The following TBCD variants were observed in gnomAD, a reference collection of about 807,000 sequenced individuals.
TBCD encodes the protein tubulin folding cofactor D.
Under a neutral mutation model 169.3 loss-of-function variants are expected in TBCD, and 105 were observed. The ratio of observed to expected loss-of-function variants is 0.62; its 90% CI spans 0.53 to 0.73. TBCD has a LOEUF of 0.73. Among genes scored for constraint, TBCD ranks in the 30% least tolerant of loss-of-function variants. TBCD has a pLI of 0.00. For missense variants in TBCD, 1,444 were observed against 1,600.1 expected (o/e 0.90, Z 1.66); for synonymous variants, 700 against 643.9 (o/e 1.09, Z -1.32).
At chr17:82,940,028 G>A (rs925162624) in intron 37 of TBCD, among the ~76,000 whole-genome samples, 4 of 152,238 alleles carry the variant, frequency 2.6e-5, no homozygotes, top group Non-Finnish European at 5.9e-5. Context: ...CATGGGTGGA[G>A]TAGAATGGCG....
chr17:82,829,870 T>C (rs921445834), intron 13 of TBCD: 1 of 516,656 alleles, frequency 1.9e-6, no homozygotes, highest in African/African-American at 1.9e-5. Flanking sequence ...AAAGATCTTC[T>C]GTAAGACAGC....
At chr17:82,769,675 G>C (rs770924958) in intron 5 of TBCD, among the ~76,000 whole-genome samples, 1 of 152,052 alleles carries the variant, frequency 6.6e-6, no homozygotes. Context: ...TTAGGACTTC[G>C]AGACCAGCCT....
intron 6 of TBCD, among the ~76,000 whole-genome samples, chr17:82,773,646 G>A (rs1029507514): frequency 1.3e-5 from 2 of 152,004 alleles, no homozygotes; most frequent in Non-Finnish European, 2.9e-5. Context: ...TTTGCACCAC[G>A]GACCAGGAGA....
chr17:82,930,376 G>A lies in TBCD; in HGVS notation c.2992-146G>A, dbSNP rs141244531. 9.8e-3 allele frequency: 12,164 copies of A among 1,242,254 alleles called. 88 individuals carry two copies. The highest frequency in any genetic ancestry group is 0.011 in the Non-Finnish European group (10,254 of 920,972). The allele number at this position is 1,242,254 out of a possible 1,614,324, so 77.0% of individuals were successfully genotyped here. ...TGTGAGTGGCTCCGTGCTGGCGTCC[G>A]CACCAGCCGCTTGGGGCCAGACCTT... is the stretch of plus-strand genomic sequence containing the variant. On this transcript the variant is annotated intron_variant, in intron 32 of 38. Transcript: ENST00000355528. The surrounding 1 kb of genome is among the most constrained non-coding windows in gnomAD (Gnocchi z 5.2).
chr17:82,793,345 CT>C (rs2049880293), intron 7 of TBCD, among the ~76,000 whole-genome samples: 1 of 152,330 alleles, frequency 6.6e-6, no homozygotes, highest in African/African-American at 2.4e-5. Flanking sequence ...AAGCTCTCTT[CT>C]GTTTCTGAGC....
intron 34 of TBCD, among the ~76,000 whole-genome samples, chr17:82,933,276 T>C (rs1208152997): frequency 6.8e-6 from 1 of 146,430 alleles, no homozygotes; most frequent in Non-Finnish European, 1.5e-5. Flanking sequence ...GGCCAGTCTT[T>C]TTTTTTTTTT....
chr17:82,892,074 G>A (rs2059179346), intron 16 of TBCD, among the ~76,000 whole-genome samples: 1 of 152,112 alleles, frequency 6.6e-6, no homozygotes, highest in Non-Finnish European at 1.5e-5. Flanking sequence ...CAGGGCAGCT[G>A]AGCCCGCTTT....
rs1048182971 is a variant in TBCD at position 82,809,646 on chromosome 17, C to T, written c.1149-62C>T. 9 of 1,546,742 alleles carry T rather than the reference C, an allele frequency of 5.8e-6. No homozygotes were observed. In the African/African-American group the frequency reaches 1.2e-4, roughly 21 times the overall value. On this transcript the variant is annotated intron_variant, in intron 11 of 38. Coordinates refer to ENST00000355528, the MANE Select transcript of TBCD (RefSeq NM_005993.5). ...GGGTGTTCAGGCCATTCACACGTGT[C>T]ACGCATGCCCTTGGCGACAGGCTGG...
At chr17:82,840,870 C>G (rs530314995) in intron 13 of TBCD, among the ~76,000 whole-genome samples, 2 of 149,132 alleles carry the variant, frequency 1.3e-5, no homozygotes, top group African/African-American at 4.9e-5. Flanking sequence ...GAGCTGGTGT[C>G]AGGCCCTTGG....
chr17:82,908,025 G>C (rs2146853986), intron 21 of TBCD, among the ~76,000 whole-genome samples: 1 of 152,370 alleles, frequency 6.6e-6, no homozygotes, highest in Middle Eastern at 3.4e-3. Flanking sequence ...CACCTTGGAG[G>C]GTTGCCCTGG....
chr17:82,880,879 G>A lies in TBCD; in HGVS notation c.1476-3266G>A, dbSNP rs2058306733. On this transcript the variant is annotated intron_variant, in intron 14 of 38. Transcript: ENST00000355528. This position sits in a 1 kb window ranked among gnomAD's most constrained non-coding sequence, Gnocchi z 5.0. Reference sequence around the variant, plus strand: ...GTTTGTGGCCATCCTTGCAGTGTGAGTGAGCAAGTGGCCGAGGGGTAGACT... The same window carrying A: ...GTTTGTGGCCATCCTTGCAGTGTGAATGAGCAAGTGGCCGAGGGGTAGACT... 6.6e-6 allele frequency among the ~76,000 whole-genome samples: 1 copy of A among 152,198 alleles called. No individual in the cohort carries two copies. Among genetic ancestry groups the A allele is most frequent in the African/African-American group, 2.4e-5 (1 of 41,456 alleles).
Position 82,842,543 on chromosome 17 carries a change from C to T in TBCD, c.1318+27609C>T, listed in dbSNP as rs76771423. Among the ~76,000 whole-genome samples, 1,371 of 152,282 alleles carry T rather than the reference C, an allele frequency of 9.0e-3. 9 individuals carry two copies. Among genetic ancestry groups the T allele is most frequent in the Non-Finnish European group, 0.015 (1,013 of 68,024 alleles). ...CTGCCTCTCTCTTGCACTGGAAGGC[C>T]TGCTGCTCGGATCCCATGTCGTCTT... On this transcript the variant is annotated intron_variant, in intron 13 of 38. Coordinates refer to ENST00000355528, the MANE Select transcript of TBCD (RefSeq NM_005993.5).
At chr17:82,855,814 C>G (rs1347515753) in intron 13 of TBCD, among the ~76,000 whole-genome samples, 1 of 152,130 alleles carries the variant, frequency 6.6e-6, no homozygotes, top group African/African-American at 2.4e-5. Context: ...TTCCCAACCC[C>G]TGGCACCTGC....
chr17:82,814,359 A>G (rs186935599), intron 12 of TBCD, among the ~76,000 whole-genome samples: 3 of 152,312 alleles, frequency 2.0e-5, no homozygotes, highest in African/African-American at 7.2e-5. Context: ...CTGTGGTGGG[A>G]AAACCCCACC....
chr17:82,898,944 C>A (rs2146597562), intron 17 of TBCD, among the ~76,000 whole-genome samples: 2 of 152,382 alleles, frequency 1.3e-5, no homozygotes, highest in South Asian at 4.1e-4. Flanking sequence ...GGAGCTCCCA[C>A]CACTTCCACG....
intron 13 of TBCD, among the ~76,000 whole-genome samples, chr17:82,854,198 C>G (rs561309919): frequency 6.6e-6 from 1 of 152,318 alleles, no homozygotes; most frequent in African/African-American, 2.4e-5. Context: ...ATCCGAAAAT[C>G]CAAAACCGAA....
At chr17:82,917,919 T>G (rs1307521521) in intron 23 of TBCD, among the ~76,000 whole-genome samples, 1 of 152,214 alleles carries the variant, frequency 6.6e-6, no homozygotes, top group Non-Finnish European at 1.5e-5. Flanking sequence ...CTTCGTGAGC[T>G]CTCTGGTAAC....
chr17:82,817,902 C>T (rs531259833), intron 13 of TBCD, among the ~76,000 whole-genome samples: 19 of 152,220 alleles, frequency 1.2e-4, no homozygotes, highest in Admixed American at 2.0e-4. Context: ...TTGTTCCATC[C>T]GAAGTAAGTG....
chr17:82,893,891 C>T lies in TBCD; in HGVS notation c.1649+259C>T, dbSNP rs146764130. Among the ~76,000 whole-genome samples, 6 of 152,322 alleles carry T rather than the reference C, an allele frequency of 3.9e-5. No homozygotes were observed. The East Asian group carries it at 5.8e-4, about 15-fold the overall frequency. On this transcript the variant is annotated intron_variant, in intron 17 of 38. Transcript: ENST00000355528. ...AAAGAGGGGCTCAGCTTCAGGAGTGCGGCCTTGCCGTGAGTGCTGTCTCTG... is the reference window on the plus strand; with the variant it reads ...AAAGAGGGGCTCAGCTTCAGGAGTGTGGCCTTGCCGTGAGTGCTGTCTCTG...
Sources: allele counts gnomAD v4.1 joint callset (sites outside exome capture counted in the v4.1 genomes callset), GRCh38; gene constraint gnomAD v4.1.1; non-coding constraint Gnocchi (gnomAD v3.1); transcripts MANE v1.5; gene names NCBI Gene and HGNC (gene_info 2026-07-23, HGNC 2026-07-21).